The following PDE1C variants were observed in gnomAD, a reference collection of about 807,000 sequenced individuals.
PDE1C encodes dual specificity calcium/calmodulin-dependent 3',5'-cyclic nucleotide phosphodiesterase 1C.
A neutral mutation model predicts 93.1 loss-of-function variants in PDE1C; 62 were observed. The observed-to-expected ratio is 0.67, with a 90% CI of 0.54 to 0.82. The LOEUF is 0.82. Ranked by LOEUF, PDE1C falls within the 40% of genes least tolerant of loss-of-function variation. PDE1C has a pLI of 0.00. For synonymous variants in PDE1C, 325 were observed against 310.1 expected (o/e 1.05, Z -0.50); for missense variants, 742 against 884.6 (o/e 0.84, Z 2.04).
chr7:31,830,172 C>T (rs1442565359), intron 11 of PDE1C, among the ~76,000 whole-genome samples: 1 of 151,614 alleles, frequency 6.6e-6, no homozygotes, highest in African/African-American at 2.4e-5. Context: ...CTTGAATTCC[C>T]TTTGGAAAGC....
chr7:31,643,877 T>C, the PDE1C span: 3 of 1,613,910 alleles, frequency 1.9e-6, no homozygotes, highest in East Asian at 6.7e-5. Flanking sequence ...CTGTGTTCAC[T>C]AACTGGTCAC....
chr7:31,942,324 C>T lies in PDE1C; in HGVS notation c.129-61464G>A, dbSNP rs1389021275. Among the ~76,000 whole-genome samples the T allele has an allele frequency of 3.3e-5, 5 of 152,270 alleles. No homozygotes were observed. The East Asian group carries it at 7.7e-4, about 24-fold the overall frequency. On this transcript the variant is annotated intron_variant, in intron 2 of 17. Transcript: ENST00000396191. ...AAAGTATCAGTTTCAGGGTCACTAG[C>T]TCCCATATTATGCCCCTAAACTGCC...
In PDE1C at chr7:31,793,271, T is replaced by C. The variant is rs568963477; in HGVS notation, c.1891+15760A>G. On this transcript the variant is annotated intron_variant, in intron 16 of 17. Transcript: ENST00000396191. ...TGATTCTAAAGATGTGTTTATCCAT[T>C]ATAATGTTTATTCCTGGATCACAAA... Among the ~76,000 whole-genome samples the C allele has an allele frequency of 3.3e-5, 5 of 152,174 alleles. No individual in the cohort carries two copies. In the South Asian group the frequency reaches 8.3e-4, roughly 25 times the overall value.
At chr7:32,331,531 C>G (rs1783514850) in intron 1 of PDE1C, among the ~76,000 whole-genome samples, 2 of 152,106 alleles carry the variant, frequency 1.3e-5, no homozygotes, top group Non-Finnish European at 2.9e-5. Flanking sequence ...TGTTTTGAAA[C>G]AGTTCACTGT....
chr7:32,033,860 A>C (rs1790661512), intron 2 of PDE1C, among the ~76,000 whole-genome samples: 1 of 152,178 alleles, frequency 6.6e-6, no homozygotes, highest in South Asian at 2.1e-4. Flanking sequence ...CTGGACATTT[A>C]AATTCATCCC....
intron 1 of PDE1C, among the ~76,000 whole-genome samples, chr7:32,055,660 A>G (rs1412127300): frequency 6.6e-6 from 1 of 152,218 alleles, no homozygotes; most frequent in Non-Finnish European, 1.5e-5. Context: ...TTGGCCTTCT[A>G]TTTTTAAGAA....
At chr7:32,322,442 C>T (rs116115358) in intron 1 of PDE1C, among the ~76,000 whole-genome samples, 6 of 151,896 alleles carry the variant, frequency 4.0e-5, no homozygotes, top group Non-Finnish European at 5.9e-5. Context: ...TCTCTACACA[C>T]GTAAAAAAGA....
intron 1 of PDE1C, among the ~76,000 whole-genome samples, chr7:32,291,839 A>G (rs1333236175): frequency 6.6e-6 from 1 of 152,130 alleles, no homozygotes; most frequent in Non-Finnish European, 1.5e-5. Flanking sequence ...AATCGCAGAG[A>G]TTTCCTTACT....
intron 3 of PDE1C, among the ~76,000 whole-genome samples, chr7:32,156,828 A>T (rs1299945673): frequency 6.6e-6 from 1 of 152,238 alleles, no homozygotes; most frequent in East Asian, 1.9e-4. Context: ...AAGGTTATTT[A>T]CAGAGTCTCA....
intron 1 of PDE1C, among the ~76,000 whole-genome samples, chr7:32,250,500 G>A (rs182697020): frequency 6.2e-4 from 94 of 152,282 alleles, no homozygotes; most frequent in African/African-American, 2.2e-3. Context: ...GATCCAGGTG[G>A]TCCACAAACC....
At chr7:31,945,467 T>C (rs1017456467) in intron 2 of PDE1C, among the ~76,000 whole-genome samples, 2 of 152,160 alleles carry the variant, frequency 1.3e-5, no homozygotes, top group African/African-American at 2.4e-5. Context: ...TATTTCTCCT[T>C]CATTTATGAA....
intron 1 of PDE1C, among the ~76,000 whole-genome samples, chr7:32,371,437 T>G (rs768594530): frequency 1.4e-4 from 22 of 152,180 alleles, no homozygotes; most frequent in Non-Finnish European, 3.1e-4. Flanking sequence ...TATATCCAGG[T>G]AATTAAGTAC....
chr7:31,899,346 G>A (rs1799695050), intron 2 of PDE1C, among the ~76,000 whole-genome samples: 1 of 151,916 alleles, frequency 6.6e-6, no homozygotes, highest in South Asian at 2.1e-4. Context: ...CACCGTGTTA[G>A]CCAGGATTGT....
At chr7:32,126,921 A>T (rs755276033) in intron 3 of PDE1C, among the ~76,000 whole-genome samples, 1 of 149,332 alleles carries the variant, frequency 6.7e-6, no homozygotes, top group Non-Finnish European at 1.5e-5. Context: ...CAAGATGCCC[A>T]AACATTTGGC....
chr7:32,345,425 T>G (rs781530576), intron 1 of PDE1C, among the ~76,000 whole-genome samples: 13 of 152,184 alleles, frequency 8.5e-5, no homozygotes, highest in Non-Finnish European at 1.6e-4. Flanking sequence ...GGCTTCCAAT[T>G]TCTTCCTTGA....
chr7:31,834,837 A>C (rs959432783), intron 11 of PDE1C, among the ~76,000 whole-genome samples: 1 of 152,038 alleles, frequency 6.6e-6, no homozygotes, highest in African/African-American at 2.4e-5. Context: ...AAATGTTAGA[A>C]TACGAGATTT....
At chr7:31,681,714 T>C in the PDE1C span, among the ~76,000 whole-genome samples, 4 of 152,208 alleles carry the variant, frequency 2.6e-5, no homozygotes, top group African/African-American at 9.6e-5. Context: ...GTTCAGTGAA[T>C]GATAATTGAA....
At chr7:31,885,878 G>A (rs1237135901) in intron 2 of PDE1C, among the ~76,000 whole-genome samples, 2 of 152,174 alleles carry the variant, frequency 1.3e-5, no homozygotes, top group African/African-American at 4.8e-5. Context: ...ATATACATTT[G>A]TTGAGCATTA....
chr7:32,103,123 C>T (rs1477170267), intron 3 of PDE1C, among the ~76,000 whole-genome samples: 2 of 152,126 alleles, frequency 1.3e-5, no homozygotes, highest in African/African-American at 2.4e-5. Flanking sequence ...ATCACCTCAA[C>T]TATCTCATGC....
Sources: allele counts gnomAD v4.1 joint callset (sites outside exome capture counted in the v4.1 genomes callset), GRCh38; gene constraint gnomAD v4.1.1; transcripts MANE v1.5; gene names NCBI Gene and HGNC (gene_info 2026-07-23, HGNC 2026-07-21).